Variants in INSR observed in about 807,000 individuals in gnomAD.
INSR encodes insulin receptor, also known as IR.
INSR carries 67 observed loss-of-function variants against 142.6 expected under a neutral mutation model. That is an observed-to-expected ratio of 0.47 (90% CI 0.39 to 0.58). The LOEUF (loss-of-function observed/expected upper bound fraction) is 0.58, where lower values mean the gene tolerates loss of function less well. Among genes scored for constraint, INSR ranks in the 20% least tolerant of loss-of-function variants. The pLI is 0.00. For synonymous variants in INSR, 756 were observed against 743.1 expected (o/e 1.02, Z -0.28); for missense variants, 1,248 against 1,833.2 (o/e 0.68, Z 5.83).
In INSR at chr19:7,293,844, C is replaced by T. The variant is rs1968565071; in HGVS notation, c.48G>A (p.Val16=). 1 of 1,291,042 alleles carries T rather than the reference C, an allele frequency of 7.7e-7. No homozygotes were observed. Among genetic ancestry groups the T allele is most frequent in the East Asian group, 3.3e-5 (1 of 30,336 alleles). The allele number at this position is 1,291,042 out of a possible 1,614,324, so 80.0% of individuals were successfully genotyped here. A position where few individuals can be genotyped will look rare whatever the true frequency, so the allele number is the denominator to read the frequency against. The change falls in exon 1 of 22, where the codon GTG becomes GTA. Residue 16 remains valine, a synonymous_variant. Coordinates refer to ENST00000302850, the MANE Select transcript of INSR (RefSeq NM_000208.4). ...RRGAAAAPLL[V]AVAALLLGAA... ...CGCCCAGTAGCAGCGCGGCCACCGC[C>T]ACCAGCAGCGGCGCGGCCGCCGCCC...
At chr19:7,149,922 A>T (rs1973286852) in intron 11 of INSR, among the ~76,000 whole-genome samples, 1 of 143,068 alleles carries the variant, frequency 7.0e-6, no homozygotes, top group Non-Finnish European at 1.5e-5. Flanking sequence ...AGAAAGAAAG[A>T]AGGAAAAAAA....
chr19:7,260,134 C>T (rs907974738), intron 2 of INSR, among the ~76,000 whole-genome samples: 6 of 152,194 alleles, frequency 3.9e-5, no homozygotes, highest in Non-Finnish European at 7.3e-5. Flanking sequence ...TAAACTCGTG[C>T]ATTTAAATAC....
chr19:7,255,231 T>G (rs529741366), intron 2 of INSR, among the ~76,000 whole-genome samples: 3 of 152,314 alleles, frequency 2.0e-5, no homozygotes, highest in Admixed American at 2.0e-4. Context: ...ATAGTTACTT[T>G]GACTTCCTCC....
In INSR at chr19:7,150,044, A is replaced by C. The variant is rs1599906956; in HGVS notation, c.2267+453T>G. 2.0e-5 allele frequency among the ~76,000 whole-genome samples: 3 copies of C among 152,130 alleles called. No individual in the cohort carries two copies. The highest frequency in any genetic ancestry group is 7.2e-5 in the African/African-American group (3 of 41,418). On this transcript the variant is annotated intron_variant, in intron 11 of 21. Transcript: ENST00000302850. This position sits in a 1 kb window ranked among gnomAD's most constrained non-coding sequence, Gnocchi z 4.2. ...TGAGCGACACGGTGTTCTTTTGTTC[A>C]TACCCTGTCGCCCTTTCATGAAAAT...
chr19:7,125,116 G>C lies in INSR; in HGVS notation c.3258+167C>G, dbSNP rs1972613950. The stretch of plus-strand genomic sequence containing the variant: ...GGCGAAGTGGGAGAGGATGGGATTT[G>C]AGAAGGGAATGATCCCTCCTCACAC... On this transcript the variant is annotated intron_variant, in intron 17 of 21. Transcript: ENST00000302850. The surrounding 1 kb of genome is among the most constrained non-coding windows in gnomAD (Gnocchi z 4.9). Among the ~76,000 whole-genome samples, 1 of 152,116 alleles carries C rather than the reference G, an allele frequency of 6.6e-6. No homozygotes were observed. Among genetic ancestry groups the C allele is most frequent in the South Asian group, 2.1e-4 (1 of 4,826 alleles).
intron 3 of INSR, among the ~76,000 whole-genome samples, chr19:7,180,963 CAG>C (rs1415127489): frequency 3.9e-5 from 6 of 152,046 alleles, no homozygotes; most frequent in Non-Finnish European, 8.8e-5. Flanking sequence ...TCTTTTGAGA[CAG>C]AGTCTCACTC....
chr19:7,257,816 G>A (rs1317433983), intron 2 of INSR, among the ~76,000 whole-genome samples: 1 of 152,138 alleles, frequency 6.6e-6, no homozygotes, highest in Non-Finnish European at 1.5e-5. Flanking sequence ...CTCTATCCCT[G>A]AATGCTGAAT....
At chr19:7,205,953 T>C (rs1568485841) in intron 2 of INSR, among the ~76,000 whole-genome samples, 1 of 152,100 alleles carries the variant, frequency 6.6e-6, no homozygotes, top group African/African-American at 2.4e-5. Context: ...CAAGGACTTA[T>C]GGTATCAGGT....
rs1568484354 is a variant in INSR at position 7,202,998 on chromosome 19, T to TTTTG, written c.653-18362_653-18361insCAAA. ...TTGGTTTGGGGTGGGGTTTTGTTGTTTTTTTTTTTTTTTTTTCAGATTTAA... is the reference window on the plus strand; with the variant it reads ...TTGGTTTGGGGTGGGGTTTTGTTGTTTTTGTTTTTTTTTTTTTTTTCAGATTTAA... On this transcript the variant is annotated intron_variant, in intron 2 of 21. Coordinates refer to ENST00000302850, the MANE Select transcript of INSR (RefSeq NM_000208.4). Among the ~76,000 whole-genome samples the TTTTG allele has an allele frequency of 4.3e-3, 198 of 45,956 alleles. 5 individuals are homozygous for TTTTG. In the East Asian group the frequency reaches 0.12, roughly 28 times the overall value. 30.1% of individuals were successfully genotyped at this position (45,956 alleles called of 152,430 possible).
intron 9 of INSR, among the ~76,000 whole-genome samples, chr19:7,154,525 A>T (rs948433698): frequency 8.0e-5 from 12 of 150,424 alleles, no homozygotes; most frequent in Non-Finnish European, 1.6e-4. Context: ...GATGGTCTCG[A>T]TCTCCTGACC....
Position 7,293,846 on chromosome 19 carries a change from C to A in INSR, c.46G>T (p.Val16Leu). 7.8e-7 allele frequency: 1 copy of A among 1,276,414 alleles called. No individual in the cohort carries two copies. The highest frequency in any genetic ancestry group is 2.7e-5 in the South Asian group (1 of 36,796). 79.1% of individuals were successfully genotyped at this position (1,276,414 alleles called of 1,614,324 possible). A position where few individuals can be genotyped will look rare whatever the true frequency, so the allele number is the denominator to read the frequency against. ...CCCAGTAGCAGCGCGGCCACCGCCA[C>A]CAGCAGCGGCGCGGCCGCCGCCCCC... ...RRGAAAAPLL[V>L]AVAALLLGAA... The change falls in exon 1 of 22, where the codon GTG becomes TTG. Residue 16 changes from valine to leucine, a missense_variant. Physicochemically the swap from Val to Leu is conservative, Grantham distance 32 (BLOSUM62 1). Around this residue, in one of 3 missense-constraint regions of INSR, gnomAD observed 57 missense variants for 49.5 expected, o/e 1.15. Coordinates refer to ENST00000302850, the MANE Select transcript of INSR (RefSeq NM_000208.4).
intron 9 of INSR, 128 bp downstream of exon 9, chr19:7,162,900 TGGAG>T: frequency 1.3e-6 from 1 of 762,118 alleles, no homozygotes; most frequent in Non-Finnish European, 2.4e-6. Context: ...TGAGATAGAA[TGGAG>T]TGTGTGTGTG....
rs34045095 is a variant in INSR at position 7,116,125 on chromosome 19, C to CTTTTTTTTTTTTTTTTTTTTTTT, written c.*930_*931insAAAAAAAAAAAAAAAAAAAAAAA. 1 of 131,504 alleles carries CTTTTTTTTTTTTTTTTTTTTTTT rather than the reference C, an allele frequency of 7.6e-6. No individual in the cohort carries two copies. The highest frequency in any genetic ancestry group is 8.1e-5 in the Admixed American group (1 of 12,404). 8.1% of individuals were successfully genotyped at this position (131,504 alleles called of 1,614,324 possible). ...TCCATTTTGTTTTTTCTTTCTTTTT[C>CTTTTTTTTTTTTTTTTTTTTTTT]TTTTTTTTTTTTTAATGTCCTAGCT... On this transcript the variant is annotated 3_prime_UTR_variant, in exon 22 of 22. Coordinates refer to ENST00000302850, the MANE Select transcript of INSR (RefSeq NM_000208.4).
chr19:7,154,584 G>A (rs952930459), intron 9 of INSR, among the ~76,000 whole-genome samples: 1 of 150,830 alleles, frequency 6.6e-6, no homozygotes, highest in African/African-American at 2.4e-5. Context: ...TTACAGGCGT[G>A]AGCCACTGCA....
intron 15 of INSR, 145 bp downstream of exon 15, chr19:7,128,707 T>C (rs1449316791): frequency 7.6e-6 from 5 of 657,236 alleles, no homozygotes; most frequent in Non-Finnish European, 1.4e-5. Context: ...TATCATATTA[T>C]GACAATTATC....
At chr19:7,135,667 G>GA (rs537285528) in intron 13 of INSR, among the ~76,000 whole-genome samples, 9 of 147,318 alleles carry the variant, frequency 6.1e-5, no homozygotes, top group South Asian at 2.2e-4. Flanking sequence ...ACTAGCAAAA[G>GA]AAAAAAAAAA....
chr19:7,230,842 C>A (rs1473800121), intron 2 of INSR, among the ~76,000 whole-genome samples: 1 of 151,884 alleles, frequency 6.6e-6, no homozygotes, highest in Non-Finnish European at 1.5e-5. Context: ...TAGCTCAAGG[C>A]CTCCTCTAGG....
intron 2 of INSR, among the ~76,000 whole-genome samples, chr19:7,195,993 T>C (rs1007360183): frequency 4.6e-5 from 7 of 150,668 alleles, no homozygotes; most frequent in African/African-American, 7.3e-5. Flanking sequence ...TGGAGTGCAA[T>C]GGCACCATCT....
rs1257368455 is a variant in INSR, at chr19:7,142,973, G to A, written c.2385C>T (p.His795=). 8 of 1,614,192 alleles carry A rather than the reference G, an allele frequency of 5.0e-6. No homozygotes were observed. In the South Asian group the frequency reaches 7.7e-5, roughly 16 times the overall value. Residue 795 remains histidine, a synonymous_variant, in exon 12 of 22, where the codon CAC becomes CAT. Coordinates refer to ENST00000302850, the MANE Select transcript of INSR (RefSeq NM_000208.4). ...STSVPTSPEE[H]RPFEKVVNKE... is the part of the protein sequence containing the mutation. ...TGTTCACCACCTTCTCAAAAGGCCT[G>A]TGCTCCTCCGGACTCGTGGGCACGC...
Sources: allele counts gnomAD v4.1 joint callset (sites outside exome capture counted in the v4.1 genomes callset), GRCh38; gene constraint gnomAD v4.1.1; regional missense constraint gnomAD v4.1.1; non-coding constraint Gnocchi (gnomAD v3.1); transcripts MANE v1.5; gene names NCBI Gene and HGNC (gene_info 2026-07-23, HGNC 2026-07-21).